DIAPH3: variants seen among roughly 807,000 people sequenced by gnomAD.
DIAPH3 encodes protein diaphanous homolog 3.
DIAPH3 carries 117 observed loss-of-function variants against 144.3 expected under a neutral mutation model. The ratio of observed to expected loss-of-function variants is 0.81; its 90% CI spans 0.70 to 0.95. The LOEUF (loss-of-function observed/expected upper bound fraction) is 0.95. DIAPH3 is among the 40% of genes least tolerant of loss of function. The probability of loss-of-function intolerance (pLI) is 0.00; values close to 1 mark genes in which losing one functional copy is unlikely to be tolerated. For missense variants in DIAPH3, 1,421 were observed against 1,412.7 expected, an observed-to-expected ratio of 1.01 and a Z score of -0.09; for synonymous variants, 519 against 488.9, an observed-to-expected ratio of 1.06 and a Z score of -0.81.
intron 21 of DIAPH3, among the ~76,000 whole-genome samples, chr13:59,869,929 GTTTTC>G (rs56740927): frequency 1.4e-3 from 217 of 152,068 alleles, no homozygotes; most frequent in African/African-American, 5.0e-3. Context: ...CTTCCAGCCT[GTTTTC>G]TTTTCATTGT....
chr13:60,068,860 C>T (rs990356099), intron 4 of DIAPH3, among the ~76,000 whole-genome samples: 3 of 152,062 alleles, frequency 2.0e-5, no homozygotes, highest in Admixed American at 6.6e-5. Flanking sequence ...ATGGTGTATA[C>T]GTACCACATT....
chr13:60,090,477 T>C (rs2057894275), intron 4 of DIAPH3, among the ~76,000 whole-genome samples: 1 of 152,290 alleles, frequency 6.6e-6, no homozygotes, highest in African/African-American at 2.4e-5. Flanking sequence ...TAGACATCAG[T>C]ACTATTTTCA....
At chr13:59,893,195 A>G (rs2045910300) in intron 20 of DIAPH3, among the ~76,000 whole-genome samples, 1 of 152,132 alleles carries the variant, frequency 6.6e-6, no homozygotes, top group African/African-American at 2.4e-5. Flanking sequence ...TTTCTCAACA[A>G]TATTGTTCTA....
At chr13:59,756,314 T>C (rs2037254102) in intron 27 of DIAPH3, among the ~76,000 whole-genome samples, 2 of 152,052 alleles carry the variant, frequency 1.3e-5, no homozygotes, top group African/African-American at 4.8e-5. Flanking sequence ...ATAAGTAGGG[T>C]ATATAAACAT....
intron 9 of DIAPH3, among the ~76,000 whole-genome samples, chr13:59,995,398 G>A (rs1405802066): frequency 6.6e-6 from 1 of 151,838 alleles, no homozygotes; most frequent in Non-Finnish European, 1.5e-5. Context: ...CTCCCTCTGC[G>A]CTAATAAGGG....
chr13:59,761,685 G>A (rs936658779), intron 27 of DIAPH3, among the ~76,000 whole-genome samples: 2 of 152,146 alleles, frequency 1.3e-5, no homozygotes, highest in Non-Finnish European at 2.9e-5. Context: ...CCTTAGGAGT[G>A]TACACTGAAG....
intron 25 of DIAPH3, among the ~76,000 whole-genome samples, chr13:59,799,662 TGAG>T (rs1430203866): frequency 2.0e-5 from 3 of 152,216 alleles, no homozygotes; most frequent in Non-Finnish European, 2.9e-5. Context: ...CATGTACAGT[TGAG>T]GAGTTTTTGT....
chr13:60,123,981 C>T (rs2058917118), intron 2 of DIAPH3, among the ~76,000 whole-genome samples: 9 of 152,086 alleles, frequency 5.9e-5, no homozygotes, highest in Admixed American at 5.9e-4. Context: ...AGTCATTTTC[C>T]TTTCTTTCAT....
intron 17 of DIAPH3, among the ~76,000 whole-genome samples, chr13:59,927,153 C>A (rs1380979247): frequency 6.6e-6 from 1 of 152,114 alleles, no homozygotes; most frequent in African/African-American, 2.4e-5. Flanking sequence ...CACACTTTGA[C>A]TTTTCATTTA....
At chr13:59,836,013 A>C (rs1476647600) in intron 23 of DIAPH3, among the ~76,000 whole-genome samples, 1 of 151,910 alleles carries the variant, frequency 6.6e-6, no homozygotes, top group Non-Finnish European at 1.5e-5. Context: ...TCAATGAACA[A>C]ATTTAAAGAA....
chr13:59,922,733 A>G (rs1486447387), intron 18 of DIAPH3, among the ~76,000 whole-genome samples: 1 of 152,108 alleles, frequency 6.6e-6, no homozygotes, highest in East Asian at 1.9e-4. Flanking sequence ...TCATAATATG[A>G]CATGGTATAA....
At chr13:59,949,776 A>AT (rs1202574831) in intron 17 of DIAPH3, among the ~76,000 whole-genome samples, 1 of 152,200 alleles carries the variant, frequency 6.6e-6, no homozygotes. Context: ...AGTCAAGCAG[A>AT]TAACAATAAA....
chr13:60,039,924 G>C (rs966622320), intron 5 of DIAPH3, among the ~76,000 whole-genome samples: 1 of 152,068 alleles, frequency 6.6e-6, no homozygotes, highest in South Asian at 2.1e-4. Flanking sequence ...TGGAACACTG[G>C]ACAAAGAAAT....
chr13:59,704,611 T>C (rs545111713), intron 27 of DIAPH3, among the ~76,000 whole-genome samples: 1 of 152,260 alleles, frequency 6.6e-6, no homozygotes, highest in Non-Finnish European at 1.5e-5. Flanking sequence ...ACTGCATTTT[T>C]ACTATACCTT....
intron 27 of DIAPH3, among the ~76,000 whole-genome samples, chr13:59,713,298 T>TC (rs1263668167): frequency 1.3e-5 from 2 of 151,696 alleles, no homozygotes; most frequent in African/African-American, 4.8e-5. Context: ...TCTTAAGCAA[T>TC]CCTCCCACTT....
At chr13:59,817,958 T>G (rs2040865149) in intron 24 of DIAPH3, among the ~76,000 whole-genome samples, 1 of 152,018 alleles carries the variant, frequency 6.6e-6, no homozygotes, top group South Asian at 2.1e-4. Context: ...GTACTTTCTT[T>G]ACATTTGTTT....
At chr13:60,024,788 T>A (rs985715860) in intron 5 of DIAPH3, among the ~76,000 whole-genome samples, 2 of 152,194 alleles carry the variant, frequency 1.3e-5, no homozygotes, top group African/African-American at 4.8e-5. Context: ...AAGCACCACC[T>A]CATTACTGCA....
chr13:60,160,660 CAA>C (rs1269384977), intron 1 of DIAPH3, among the ~76,000 whole-genome samples: 1 of 152,222 alleles, frequency 6.6e-6, no homozygotes, highest in Non-Finnish European at 1.5e-5. Context: ...TCTGCCTTCA[CAA>C]AGTCTCCACC....
chr13:59,903,007 G>A (rs2046531884), intron 20 of DIAPH3, among the ~76,000 whole-genome samples: 1 of 152,174 alleles, frequency 6.6e-6, no homozygotes, highest in African/African-American at 2.4e-5. Context: ...CAAAGCAGTA[G>A]CAGTGGATGA....
Sources: gnomAD v4.1 joint callset for allele counts (sites outside exome capture counted in the v4.1 genomes callset) on GRCh38, gnomAD v4.1.1 for gene constraint, MANE v1.5 for transcripts, NCBI Gene and HGNC (gene_info 2026-07-23, HGNC 2026-07-21) for gene names.